Variants in SLIT2 observed in about 807,000 individuals in gnomAD.
The protein encoded by SLIT2 is slit guidance ligand 2, also known as slit homolog 2 protein.
Under a neutral mutation model 185.7 loss-of-function variants are expected in SLIT2, and 41 were observed. The observed-to-expected ratio is 0.22, with a 90% CI of 0.17 to 0.29. The LOEUF is 0.29. Among genes scored for constraint, SLIT2 ranks in the 10% least tolerant of loss-of-function variants. The pLI is 1.00. For synonymous variants in SLIT2, 693 were observed against 680.2 expected (o/e 1.02, Z -0.29); for missense variants, 1,571 against 1,909.0 (o/e 0.82, Z 3.30).
At chr4:20,477,019 C>T (rs1286817433) in intron 5 of SLIT2, among the ~76,000 whole-genome samples, 10 of 151,932 alleles carry the variant, frequency 6.6e-5, no homozygotes, top group Admixed American at 2.6e-4. Flanking sequence ...GCACGTGAGG[C>T]ATACAGTGGT....
Position 20,533,566 on chromosome 4 carries a change from A to T in SLIT2, c.1689-6A>T. On this transcript the variant is annotated splice_polypyrimidine_tract_variant and splice_region_variant and intron_variant, in intron 17 of 36. Transcript: ENST00000504154. ...TAAAACCTTTGTTCCAACAATTTTT[A>T]TTTAGAAACTTTAGCAACAATAAGA... 6.3e-7 allele frequency: 1 copy of T among 1,597,436 alleles called. No homozygotes were observed. Among genetic ancestry groups the T allele is most frequent in the Non-Finnish European group, 8.5e-7 (1 of 1,170,584 alleles).
chr4:20,395,567 C>T (rs546874345), intron 4 of SLIT2, among the ~76,000 whole-genome samples: 1 of 151,900 alleles, frequency 6.6e-6, no homozygotes, highest in African/African-American at 2.4e-5. Context: ...AATTATCTTT[C>T]CTGGTCAGTT....
intron 4 of SLIT2, among the ~76,000 whole-genome samples, chr4:20,288,681 C>A (rs1715515048): frequency 6.6e-6 from 1 of 152,190 alleles, no homozygotes; most frequent in Non-Finnish European, 1.5e-5. Context: ...CTGTCCAAAT[C>A]TGGCTTCAAT....
intron 34 of SLIT2, chr4:20,616,334 G>A (rs540604032): frequency 6.6e-6 from 1 of 152,324 alleles, no homozygotes; most frequent in East Asian, 1.9e-4. Context: ...CTGAAACCTG[G>A]TGGACCTAAC....
At chr4:20,424,016 G>A (rs1181371183) in intron 4 of SLIT2, among the ~76,000 whole-genome samples, 1 of 152,048 alleles carries the variant, frequency 6.6e-6, no homozygotes, top group Non-Finnish European at 1.5e-5. Flanking sequence ...CTAGAAAAGG[G>A]AATATTTTAG....
chr4:20,288,636 C>T (rs2109073892), intron 4 of SLIT2, among the ~76,000 whole-genome samples: 1 of 152,256 alleles, frequency 6.6e-6, no homozygotes. Flanking sequence ...AAATGAACGG[C>T]TATGGTTAAT....
At chr4:20,294,768 G>A (rs1716304106) in intron 4 of SLIT2, among the ~76,000 whole-genome samples, 1 of 152,148 alleles carries the variant, frequency 6.6e-6, no homozygotes, top group Admixed American at 6.5e-5. Context: ...AGCCATGGTT[G>A]GAATTCATGT....
intron 4 of SLIT2, chr4:20,364,360 A>C (rs1365488413): frequency 1.3e-5 from 10 of 759,742 alleles, no homozygotes; most frequent in African/African-American, 1.9e-5. Flanking sequence ...CAGTTCACCC[A>C]TTAGCTCTCT....
At position 20,589,625 on chromosome 4, in the gene SLIT2, A is replaced by G. The variant is rs756821498; in HGVS notation, c.3089-19A>G. 23 of 1,601,068 alleles carry G rather than the reference A, an allele frequency of 1.4e-5. No homozygotes were observed. In the East Asian group the frequency reaches 2.9e-4, roughly 20 times the overall value. ...TGTTGACCTTTTTCTATGAGCTAAC[A>G]CTGTTTGCCCTGTTGCAGGTGAGTT... is the stretch of plus-strand genomic sequence containing the variant. On this transcript the variant is annotated intron_variant, in intron 29 of 36. Transcript: ENST00000504154.
intron 4 of SLIT2, among the ~76,000 whole-genome samples, chr4:20,463,515 A>ATGAGTGTG (rs1714000462): frequency 8.9e-6 from 1 of 112,342 alleles, no homozygotes; most frequent in African/African-American, 3.4e-5. Flanking sequence ...ATATCCATAT[A>ATGAGTGTG]TGTGTGTGTG....
intron 5 of SLIT2, among the ~76,000 whole-genome samples, chr4:20,472,258 C>CTA (rs1337807058): frequency 0.081 from 2,503 of 30,834 alleles, 271 homozygotes; most frequent in African/African-American, 0.12. Context: ...ATATATAGAT[C>CTA]TATATATAGA....
chr4:20,618,720 C>T (rs775061870), intron 36 of SLIT2, 48 bp from the exon 37 acceptor site: 5 of 1,531,876 alleles, frequency 3.3e-6, no homozygotes, highest in Non-Finnish European at 2.7e-6. Context: ...CTCTGCATGA[C>T]TTACAGTGAC....
chr4:20,325,439 T>C (rs1394323636), intron 4 of SLIT2, among the ~76,000 whole-genome samples: 1 of 138,162 alleles, frequency 7.2e-6, no homozygotes, highest in Non-Finnish European at 1.5e-5. Flanking sequence ...GGGAATAATC[T>C]TAAAAAAAAA....
rs1385400216 is a variant in SLIT2, at chr4:20,472,385, TGTAGATATATAGATATAG to T, written c.467+4563_467+4580del. On this transcript the variant is annotated intron_variant, in intron 5 of 36. Coordinates refer to ENST00000504154, the MANE Select transcript of SLIT2 (RefSeq NM_004787.4). ...ATATAGATATCTATATCTATATATA[TGTAGATATATAGATATAG>T]ATATCTATATATCTATATATATAGA... Among the ~76,000 whole-genome samples the T allele has an allele frequency of 2.2e-3, 87 of 39,172 alleles. 1 individual carries two copies. Among genetic ancestry groups the T allele is most frequent in the South Asian group, 3.8e-3 (3 of 792 alleles). The allele number at this position is 39,172 out of a possible 152,430, so 25.7% of individuals were successfully genotyped here.
chr4:20,307,837 A>G (rs184039040), intron 4 of SLIT2, among the ~76,000 whole-genome samples: 1 of 152,260 alleles, frequency 6.6e-6, no homozygotes, highest in African/African-American at 2.4e-5. Flanking sequence ...CCAAGCTCAC[A>G]TGGATAGTGT....
chr4:20,559,038 A>G (rs1724484978), intron 26 of SLIT2, among the ~76,000 whole-genome samples: 1 of 151,902 alleles, frequency 6.6e-6, no homozygotes, highest in African/African-American at 2.4e-5. Context: ...AGATGTAATG[A>G]CATAAGTGGA....
chr4:20,382,820 A>G (rs1000020573), intron 4 of SLIT2, among the ~76,000 whole-genome samples: 1 of 152,158 alleles, frequency 6.6e-6, no homozygotes, highest in African/African-American at 2.4e-5. Context: ...ATGGAGATGA[A>G]ATACAAAGTT....
chr4:20,306,212 GACT>G (rs1366269051), intron 4 of SLIT2, among the ~76,000 whole-genome samples: 1 of 152,116 alleles, frequency 6.6e-6, no homozygotes, highest in Admixed American at 6.5e-5. Flanking sequence ...GGAGAAAGGG[GACT>G]GGTCAGTGGA....
intron 4 of SLIT2, among the ~76,000 whole-genome samples, chr4:20,341,657 A>G (rs920823859): frequency 4.6e-5 from 7 of 152,180 alleles, no homozygotes; most frequent in African/African-American, 1.7e-4. Flanking sequence ...TGTGGTAAAC[A>G]TCCTGCCCTC....
Sources: allele counts gnomAD v4.1 joint callset (sites outside exome capture counted in the v4.1 genomes callset), GRCh38; gene constraint gnomAD v4.1.1; transcripts MANE v1.5; gene names NCBI Gene and HGNC (gene_info 2026-07-23, HGNC 2026-07-21).